Variants in OR8B3 observed in about 807,000 individuals in gnomAD.
The protein encoded by OR8B3 is olfactory receptor family 8 subfamily B member 3, also known as olfactory receptor 8B3.
For missense variants in OR8B3, 278 were observed against 377.6 expected, an observed-to-expected ratio of 0.74 and a Z score of 2.19; for synonymous variants, 102 against 135.4, an observed-to-expected ratio of 0.75 and a Z score of 1.71.
At chr11:124,404,038 G>GT in the OR8B3 span, among the ~76,000 whole-genome samples, 9 of 152,318 alleles carry the variant, frequency 5.9e-5, no homozygotes, top group South Asian at 1.5e-3. Context: ...AGGCAGGGAG[G>GT]TTGCAGTGAG....
At position 124,396,214 on chromosome 11, in the gene OR8B3, C is replaced by A; in HGVS notation, c.*196G>T. ...GTTCCTTTTACAAAGATGCCATGAC[C>A]TATTTAGTAAAATTGTGAGAAGTGC... On this transcript the variant is annotated 3_prime_UTR_variant, in exon 2 of 2. Transcript: ENST00000641139. The A allele has an allele frequency of 3.6e-6, 2 of 555,010 alleles. No individual in the cohort carries two copies. The highest frequency in any genetic ancestry group is 2.8e-5 in the South Asian group (1 of 35,442). The allele number at this position is 555,010 out of a possible 1,614,324, so 34.4% of individuals were successfully genotyped here.
chr11:124,407,741 C>G, the OR8B3 span, among the ~76,000 whole-genome samples: 1 of 151,906 alleles, frequency 6.6e-6, no homozygotes, highest in Non-Finnish European at 1.5e-5. Flanking sequence ...TTGCCTTCTT[C>G]TTTGATTGGC....
rs1202579938 is a variant in OR8B3 at position 124,397,249 on chromosome 11, A to G, written c.103T>C (p.Tyr35His). The stretch of plus-strand genomic sequence containing the variant: ...AGGTTGCCTACCATGGTGACAATGT[A>G]GACCACTAGAAACAGGAAAAAGAGG... ...QPLFFLFLVVYIVTMVGNLGL... is the reference protein window; with the variant it reads ...QPLFFLFLVVHIVTMVGNLGL... The change falls in exon 2 of 2, where the codon TAC (tyrosine) becomes CAC (histidine). Residue 35 changes from tyrosine to histidine, a missense_variant. Coordinates refer to ENST00000641139, the MANE Select transcript of OR8B3 (RefSeq NM_001005467.2). 6.5e-7 allele frequency: 1 copy of G among 1,540,406 alleles called. No homozygotes were observed. The highest frequency in any genetic ancestry group is 1.1e-5 in the South Asian group (1 of 87,846).
At chr11:124,405,976 A>G in the OR8B3 span, among the ~76,000 whole-genome samples, 1 of 152,052 alleles carries the variant, frequency 6.6e-6, no homozygotes, top group Non-Finnish European at 1.5e-5. Context: ...CACTTCCTTC[A>G]TTTTCCCCTG....
upstream of OR8B3, among the ~76,000 whole-genome samples, chr11:124,403,940 G>T (rs143614002): frequency 8.1e-3 from 1,239 of 152,280 alleles, 23 homozygotes; most frequent in African/African-American, 0.028. Context: ...GCGAAACCCC[G>T]TCTCCACCAA....
upstream of OR8B3, among the ~76,000 whole-genome samples, chr11:124,403,957 A>G (rs545730262): frequency 5.9e-5 from 9 of 152,342 alleles, no homozygotes; most frequent in East Asian, 1.7e-3. Flanking sequence ...CCAAAAAAAT[A>G]CAAAAACCAG....
At position 124,397,383 on chromosome 11, in the gene OR8B3, G is replaced by T. The variant is rs538889002; in HGVS notation, c.-17-15C>A. 1 of 961,300 alleles carries T rather than the reference G, an allele frequency of 1.0e-6. No homozygotes were observed. Among genetic ancestry groups the T allele is most frequent in the Non-Finnish European group, 1.6e-6 (1 of 643,176 alleles). The allele number at this position is 961,300 out of a possible 1,614,324, so 59.5% of individuals were successfully genotyped here. A position where few individuals can be genotyped will look rare whatever the true frequency, so the allele number is the denominator to read the frequency against. On this transcript the variant is annotated splice_polypyrimidine_tract_variant and intron_variant, in intron 1 of 1. Coordinates refer to ENST00000641139, the MANE Select transcript of OR8B3 (RefSeq NM_001005467.2). Reference sequence around the variant, plus strand: ...TCTTCAAAAATCTGGGAAGACAAAAGAAAATTCTATTAGGAACACAGATTT... The same window carrying T: ...TCTTCAAAAATCTGGGAAGACAAAATAAAATTCTATTAGGAACACAGATTT...
At chr11:124,397,784 C>A (rs1860915133) in intron 1 of OR8B3, among the ~76,000 whole-genome samples, 2 of 151,410 alleles carry the variant, frequency 1.3e-5, no homozygotes, top group Non-Finnish European at 1.5e-5. Flanking sequence ...GCAACCTCTG[C>A]CTCCCGGGTT....
chr11:124,402,687 A>G (rs1266781284), upstream of OR8B3, among the ~76,000 whole-genome samples: 3 of 152,236 alleles, frequency 2.0e-5, no homozygotes, highest in Non-Finnish European at 4.4e-5. Flanking sequence ...ATTTTAAGCT[A>G]TTTAATCAGG....
At chr11:124,398,360 T>C (rs1158015145) in intron 1 of OR8B3, among the ~76,000 whole-genome samples, 2 of 152,230 alleles carry the variant, frequency 1.3e-5, no homozygotes, top group East Asian at 1.9e-4. Flanking sequence ...GGTACAGTTA[T>C]ATTAGTTGTT....
upstream of OR8B3, among the ~76,000 whole-genome samples, chr11:124,399,625 T>C (rs755073637): frequency 1.3e-4 from 20 of 152,212 alleles, no homozygotes; most frequent in Non-Finnish European, 2.1e-4. Flanking sequence ...ATTTTAAAAT[T>C]ACTAGAATCA....
rs1860882267 is a variant in OR8B3 at position 124,396,724 on chromosome 11, G to A, written c.628C>T (p.Pro210Ser). ...TAAGAAATGAGGATGGTACAACTGG[G>A]TACCATGATATTAATACCCACAACA... ...LIVVGINIMV[P>S]SCTILISYVF... The change falls in exon 2 of 2, where the codon CCC becomes TCC. Residue 210 changes from proline (P) to serine (S), a missense_variant. Coordinates refer to ENST00000641139, the MANE Select transcript of OR8B3 (RefSeq NM_001005467.2). 6.2e-7 allele frequency: 1 copy of A among 1,613,922 alleles called. No individual in the cohort carries two copies. Among genetic ancestry groups the A allele is most frequent in the Non-Finnish European group, 8.5e-7 (1 of 1,179,868 alleles).
chr11:124,399,885 C>T (rs899911577), upstream of OR8B3, among the ~76,000 whole-genome samples: 3 of 141,790 alleles, frequency 2.1e-5, no homozygotes, highest in African/African-American at 7.7e-5. Flanking sequence ...ACAGAATTCT[C>T]TTTTTTTTTT....
chr11:124,396,987 C>T lies in OR8B3; in HGVS notation c.365G>A (p.Arg122His), dbSNP rs1207579079. Residue 122 changes from arginine to histidine, a missense_variant, in exon 2 of 2, where the codon CGC becomes CAC. By Grantham distance (29) the Arg-to-His change is conservative. Transcript: ENST00000641139. The stretch of plus-strand genomic sequence containing the variant: ...CAATGGATTACAGATGGCCACATAG[C>T]GATCATATGCCATTGAGGTCAACAT... ...CYMLTSMAYD[R>H]YVAICNPLLY... is the part of the protein sequence containing the mutation. The T allele has an allele frequency of 2.5e-6, 4 of 1,613,390 alleles. No homozygotes were observed. The highest frequency in any genetic ancestry group is 2.7e-5 in the African/African-American group (2 of 74,778).
rs1860857926 is a variant in OR8B3 at position 124,395,950 on chromosome 11, T to C, written c.*460A>G. On this transcript the variant is annotated 3_prime_UTR_variant, in exon 2 of 2. Coordinates refer to ENST00000641139, the MANE Select transcript of OR8B3 (RefSeq NM_001005467.2). ...GGACAAGATCAAGGGGTGCTCATTC[T>C]GCTTTAAGCTACCTACCATTTGTAA... is the stretch of plus-strand genomic sequence containing the variant. The C allele has an allele frequency of 1.9e-5, 3 of 154,202 alleles. No individual in the cohort carries two copies. Among genetic ancestry groups the C allele is most frequent in the Admixed American group, 6.4e-5 (1 of 15,510 alleles). 9.6% of individuals were successfully genotyped at this position (154,202 alleles called of 1,614,324 possible).
rs762268172 is a variant in OR8B3 at position 124,396,953 on chromosome 11, C to T, written c.399G>A (p.Lys133=). The change falls in exon 2 of 2, where the codon AAG becomes AAA. Residue 133 remains lysine (K), a synonymous_variant. Transcript: ENST00000641139. The part of the protein sequence containing the change: ...YVAICNPLLY[K]VTMSHQVCSM... ...AACAGACCTGATGGGACATGGTGAC[C>T]TTATACAGCAATGGATTACAGATGG... is the stretch of plus-strand genomic sequence containing the variant. 1.2e-6 allele frequency: 2 copies of T among 1,612,318 alleles called. No homozygotes were observed. Among genetic ancestry groups the T allele is most frequent in the South Asian group, 1.1e-5 (1 of 90,878 alleles).
the OR8B3 span, among the ~76,000 whole-genome samples, chr11:124,406,789 C>T: frequency 7.3e-6 from 1 of 136,662 alleles, no homozygotes; most frequent in Non-Finnish European, 1.5e-5. Flanking sequence ...TAACCTCCTT[C>T]TCACCACACA....
At chr11:124,407,338 T>G in the OR8B3 span, among the ~76,000 whole-genome samples, 1 of 152,286 alleles carries the variant, frequency 6.6e-6, no homozygotes. Context: ...CTCTCCATTT[T>G]TAAAGTGAAC....
the OR8B3 span, among the ~76,000 whole-genome samples, chr11:124,406,898 CATT>C: frequency 4.6e-5 from 7 of 151,912 alleles, no homozygotes; most frequent in Admixed American, 2.6e-4. Flanking sequence ...TCAGTAGTTG[CATT>C]ATTAACACAA....
Sources: allele counts gnomAD v4.1 joint callset (sites outside exome capture counted in the v4.1 genomes callset), GRCh38; gene constraint gnomAD v4.1.1; transcripts MANE v1.5; gene names NCBI Gene and HGNC (gene_info 2026-07-23, HGNC 2026-07-21).